Variants in PRMT3 observed in about 807,000 individuals in gnomAD.
PRMT3 encodes the protein protein arginine N-methyltransferase 3.
Under a neutral mutation model 71.9 loss-of-function variants are expected in PRMT3, and 62 were observed. The observed-to-expected ratio is 0.86, with a 90% confidence interval of 0.70 to 1.07. The LOEUF (loss-of-function observed/expected upper bound fraction) is 1.07, where lower values mean the gene tolerates loss of function less well. Ranked by LOEUF, PRMT3 falls within the 50% of genes least tolerant of loss-of-function variation. PRMT3 has a pLI of 0.00. For missense variants in PRMT3, 663 were observed against 643.0 expected (o/e 1.03, Z -0.34); for synonymous variants, 213 against 220.4 (o/e 0.97, Z 0.30).
chr11:20,392,022 G>A (rs1020624676), intron 3 of PRMT3, among the ~76,000 whole-genome samples, 189 bp from the exon 4 acceptor site: 2 of 152,046 alleles, frequency 1.3e-5, no homozygotes, highest in African/African-American at 4.8e-5. Flanking sequence ...GTCATTTATG[G>A]CTGCTTCTCA....
chr11:20,422,708 T>C (rs1452898743), intron 9 of PRMT3, among the ~76,000 whole-genome samples: 12 of 152,202 alleles, frequency 7.9e-5, no homozygotes, highest in Admixed American at 7.9e-4. Flanking sequence ...TTAGGCTTTG[T>C]GATTCATGGG....
intron 10 of PRMT3, among the ~76,000 whole-genome samples, chr11:20,439,753 C>G (rs1590065295): frequency 6.6e-6 from 1 of 152,282 alleles, no homozygotes; most frequent in Non-Finnish European, 1.5e-5. Context: ...CAGCAAAAAT[C>G]TCAACCATGT....
chr11:20,464,797 T>C (rs529313981), intron 13 of PRMT3, among the ~76,000 whole-genome samples: 7 of 152,194 alleles, frequency 4.6e-5, no homozygotes, highest in Non-Finnish European at 8.8e-5. Flanking sequence ...TCTTCATTAT[T>C]TCCTATCACG....
At chr11:20,403,107 C>A in intron 8 of PRMT3, 123 bp downstream of exon 8, 1 of 721,862 alleles carries the variant, frequency 1.4e-6, no homozygotes, top group Non-Finnish European at 2.4e-6. Context: ...TCATGGAAGA[C>A]ATTTATGATG....
At chr11:20,491,464 G>T (rs1851204546) in intron 13 of PRMT3, among the ~76,000 whole-genome samples, 1 of 152,182 alleles carries the variant, frequency 6.6e-6, no homozygotes, top group African/African-American at 2.4e-5. Flanking sequence ...GGATGTTGAT[G>T]TTTGTTGTTA....
At chr11:20,453,318 T>TAAA (rs35130616) in intron 11 of PRMT3, among the ~76,000 whole-genome samples, 114 of 96,774 alleles carry the variant, frequency 1.2e-3, no homozygotes, top group Middle Eastern at 0.01. Context: ...CCGTCTTTAC[T>TAAA]AAAAAAAAAA....
At chr11:20,463,400 G>A (rs1000969861) in intron 12 of PRMT3, among the ~76,000 whole-genome samples, 3 of 152,128 alleles carry the variant, frequency 2.0e-5, no homozygotes, top group African/African-American at 7.2e-5. Context: ...CTCAGGATAG[G>A]AGTGTACAGT....
intron 12 of PRMT3, 66 bp from the exon 13 acceptor site, chr11:20,464,389 GTTTTA>G (rs1850456489): frequency 6.7e-7 from 1 of 1,487,340 alleles, no homozygotes; most frequent in African/African-American, 1.5e-5. Flanking sequence ...GGTTGTTTTT[GTTTTA>G]TTTTTTGTTT....
At chr11:20,412,951 G>T (rs1849227245) in intron 9 of PRMT3, among the ~76,000 whole-genome samples, 1 of 152,082 alleles carries the variant, frequency 6.6e-6, no homozygotes, top group Admixed American at 6.6e-5. Flanking sequence ...AGTGGGGTCA[G>T]AATTAGTTAC....
At chr11:20,408,883 C>G (rs1849130448) in intron 9 of PRMT3, among the ~76,000 whole-genome samples, 1 of 152,010 alleles carries the variant, frequency 6.6e-6, no homozygotes, top group Non-Finnish European at 1.5e-5. Flanking sequence ...TGCTTGAGCC[C>G]AGGAGTTCAA....
At chr11:20,438,782 C>G (rs913709248) in intron 10 of PRMT3, among the ~76,000 whole-genome samples, 1 of 152,160 alleles carries the variant, frequency 6.6e-6, no homozygotes, top group African/African-American at 2.4e-5. Flanking sequence ...TCTGGGCAGC[C>G]AAGGCACCAT....
rs1851669476 is a variant in PRMT3, at chr11:20,509,229, A to T, written c.*816A>T. 1 of 152,050 alleles carries T rather than the reference A, an allele frequency of 6.6e-6. No individual in the cohort carries two copies. Among genetic ancestry groups the T allele is most frequent in the South Asian group, 2.1e-4 (1 of 4,822 alleles). The allele number at this position is 152,050 out of a possible 1,614,324, so 9.4% of individuals were successfully genotyped here. ...ATAAAGTTGTCATTTACAATTACTG[A>T]TTCAATTTGAAATGTAGAATAAAAT... is the stretch of plus-strand genomic sequence containing the variant. On this transcript the variant is annotated 3_prime_UTR_variant, in exon 16 of 16. Coordinates refer to ENST00000331079, the MANE Select transcript of PRMT3 (RefSeq NM_005788.4).
intron 13 of PRMT3, among the ~76,000 whole-genome samples, chr11:20,493,198 G>T (rs888220943): frequency 1.3e-5 from 2 of 151,570 alleles, no homozygotes; most frequent in Middle Eastern, 3.4e-3. Flanking sequence ...TTTCTCCTTT[G>T]AGTACTTGCT....
intron 2 of PRMT3, 91 bp from the exon 3 acceptor site, chr11:20,389,653 T>TAAA (rs56308542): frequency 9.7e-5 from 64 of 662,872 alleles, no homozygotes; most frequent in East Asian, 2.8e-4. Flanking sequence ...CCAGCAGAGT[T>TAAA]AAAAAAAAAA....
chr11:20,507,459 TTA>T (rs1231082398), intron 15 of PRMT3, among the ~76,000 whole-genome samples: 1 of 16,254 alleles, frequency 6.2e-5, no homozygotes, highest in Admixed American at 3.1e-4. Flanking sequence ...TGGTATGTAG[TTA>T]GTTCTCGCTT....
chr11:20,442,520 T>C (rs1341542485), intron 10 of PRMT3, among the ~76,000 whole-genome samples: 2 of 152,184 alleles, frequency 1.3e-5, no homozygotes, highest in African/African-American at 2.4e-5. Flanking sequence ...TATTCACCCT[T>C]ATGCAAAAGT....
chr11:20,409,437 A>G (rs1179457229), intron 9 of PRMT3, among the ~76,000 whole-genome samples: 1 of 152,234 alleles, frequency 6.6e-6, no homozygotes, highest in Non-Finnish European at 1.5e-5. Flanking sequence ...CCTGTTGCCC[A>G]GCACATAGTA....
At position 20,462,045 on chromosome 11, in the gene PRMT3, AT is replaced by A; in HGVS notation, c.1140del (p.Ile380MetfsTer15). 3.1e-6 allele frequency: 5 copies of A among 1,612,912 alleles called. No individual in the cohort carries two copies. Among genetic ancestry groups the A allele is most frequent in the Non-Finnish European group, 4.2e-6 (5 of 1,179,206 alleles). On this transcript the variant is annotated frameshift_variant, in exon 12 of 16. Transcript: ENST00000331079. LOFTEE classifies it high-confidence loss of function. ...VSDVNKHADR[I>X]AFWDDVYGFK... ...TGATGTGAATAAACATGCTGATAGA[AT>A]TGCTTTTTGGGATGATGTCTATGGC...
chr11:20,482,000 T>A (rs575622346), intron 13 of PRMT3, among the ~76,000 whole-genome samples: 6 of 152,232 alleles, frequency 3.9e-5, no homozygotes, highest in Admixed American at 3.9e-4. Flanking sequence ...ATATGTTCGT[T>A]GCCTAGAATA....
Sources: allele counts gnomAD v4.1 joint callset (sites outside exome capture counted in the v4.1 genomes callset), GRCh38; gene constraint gnomAD v4.1.1; transcripts MANE v1.5; gene names NCBI Gene and HGNC (gene_info 2026-07-23, HGNC 2026-07-21).